TIAM2: variants seen among roughly 807,000 people sequenced by gnomAD.
The protein encoded by TIAM2 is rho guanine nucleotide exchange factor TIAM2.
In TIAM2, 80 loss-of-function variants were observed where a neutral mutation model predicts 152.9. That is an observed-to-expected ratio of 0.52 (90% CI 0.44 to 0.63). The LOEUF is 0.63. Among genes scored for constraint, TIAM2 ranks in the 30% least tolerant of loss-of-function variants. The pLI, the probability that TIAM2 is intolerant of heterozygous loss-of-function variation, is 0.00. For missense variants in TIAM2, 1,965 were observed against 2,120.1 expected, an observed-to-expected ratio of 0.93 and a Z score of 1.44; for synonymous variants, 804 against 838.0, an observed-to-expected ratio of 0.96 and a Z score of 0.70.
At chr6:155,094,459 G>A (rs35199713) in intron 2 of TIAM2, among the ~76,000 whole-genome samples, 2,380 of 151,702 alleles carry the variant, frequency 0.016, 39 homozygotes, top group Non-Finnish European at 0.027. Flanking sequence ...GATGTATGCC[G>A]AAGTATACTT....
At chr6:155,028,622 A>AATATATATACTGTTATATATATACTAC (rs1554225339) in intron 1 of TIAM2, among the ~76,000 whole-genome samples, 7 of 98,134 alleles carry the variant, frequency 7.1e-5, no homozygotes, top group Admixed American at 1.1e-4. Context: ...TACTACATAT[A>AATATATATACTGTTATATATATACTAC]ATATATATAC....
At chr6:155,063,166 C>G (rs948035408) in intron 1 of TIAM2, among the ~76,000 whole-genome samples, 2 of 151,928 alleles carry the variant, frequency 1.3e-5, no homozygotes, top group African/African-American at 4.8e-5. Context: ...AGTGGCAAGG[C>G]AACATGATTT....
chr6:155,064,358 A>G (rs991515525), intron 1 of TIAM2, among the ~76,000 whole-genome samples: 2 of 152,230 alleles, frequency 1.3e-5, no homozygotes, highest in Non-Finnish European at 2.9e-5. Flanking sequence ...AAATGACATC[A>G]CTCAAAGAAA....
chr6:155,191,477 T>C (rs958938044), intron 14 of TIAM2, among the ~76,000 whole-genome samples: 1 of 152,166 alleles, frequency 6.6e-6, no homozygotes, highest in African/African-American at 2.4e-5. Flanking sequence ...TTTCTCATCC[T>C]GGCCTGGAGA....
intron 9 of TIAM2, among the ~76,000 whole-genome samples, chr6:155,165,742 TTTGCCAC>T (rs1385857730): frequency 2.0e-5 from 3 of 152,056 alleles, no homozygotes. Flanking sequence ...GAGCCATGAT[TTTGCCAC>T]TGTACTCCAG....
chr6:155,153,393 G>A (rs59934822), intron 7 of TIAM2, among the ~76,000 whole-genome samples: 2 of 151,964 alleles, frequency 1.3e-5, no homozygotes, highest in East Asian at 3.9e-4. Context: ...GTTCATTTGA[G>A]GCCAGGAGCT....
At chr6:155,104,749 T>A (rs1778643391) in intron 2 of TIAM2, among the ~76,000 whole-genome samples, 1 of 125,196 alleles carries the variant, frequency 8.0e-6, no homozygotes, top group Admixed American at 8.4e-5. Flanking sequence ...AGAGAGAGAC[T>A]CTGTCTCAAA....
rs138241872 is a variant in TIAM2 at position 155,169,314 on chromosome 6, G to A, written c.2361+3905G>A. Among the ~76,000 whole-genome samples the A allele has an allele frequency of 4.3e-3, 659 of 152,274 alleles. 10 individuals are homozygous for A. Among genetic ancestry groups the A allele is most frequent in the African/African-American group, 0.015 (626 of 41,544 alleles). On this transcript the variant is annotated intron_variant, in intron 9 of 26. Transcript: ENST00000682666. ...CGGCCACAAATGCTAACTTAAGCGA[G>A]GAATGCTGGTTCAGAATCTTTACAT...
chr6:155,200,889 G>A (rs142608962), intron 14 of TIAM2, among the ~76,000 whole-genome samples: 13 of 152,132 alleles, frequency 8.5e-5, no homozygotes, highest in African/African-American at 2.4e-4. Context: ...GTGACAGAGC[G>A]AGACTCTGTC....
intron 6 of TIAM2, among the ~76,000 whole-genome samples, chr6:155,146,276 G>A (rs1779816599): frequency 6.6e-6 from 1 of 152,152 alleles, no homozygotes; most frequent in African/African-American, 2.4e-5. Context: ...AGCTACTTGG[G>A]AGGCTGAGGC....
At position 155,029,098 on chromosome 6, in the gene TIAM2, A is replaced by ATACTATGTGTTATATATACACTGTATG. The variant is rs1562294804; in HGVS notation, c.-209+33623_-209+33649dup. On this transcript the variant is annotated intron_variant, in intron 1 of 26. Transcript: ENST00000682666. Reference sequence around the variant, plus strand: ...ATATACTGTTATATATACACTGTATATACTATGTGTTATATATACACTGTA... The same window carrying ATACTATGTGTTATATATACACTGTATG: ...ATATACTGTTATATATACACTGTATATACTATGTGTTATATATACACTGTATGTACTATGTGTTATATATACACTGTA... 7.4e-4 allele frequency among the ~76,000 whole-genome samples: 85 copies of ATACTATGTGTTATATATACACTGTATG among 114,670 alleles called. 7 individuals carry two copies. Among genetic ancestry groups the ATACTATGTGTTATATATACACTGTATG allele is most frequent in the African/African-American group, 2.4e-3 (75 of 30,748 alleles). 75.2% of individuals were successfully genotyped at this position (114,670 alleles called of 152,430 possible). A position where few individuals can be genotyped will look rare whatever the true frequency, so the allele number is the denominator to read the frequency against.
At chr6:155,000,529 CAAAA>C (rs58867200) in intron 1 of TIAM2, among the ~76,000 whole-genome samples, 7 of 97,740 alleles carry the variant, frequency 7.2e-5, no homozygotes, top group East Asian at 3.6e-4. Context: ...GAAACTGTTG[CAAAA>C]AAAAAAAAAA....
intron 1 of TIAM2, among the ~76,000 whole-genome samples, chr6:155,088,914 C>A (rs941821693): frequency 6.6e-6 from 1 of 152,128 alleles, no homozygotes; most frequent in Non-Finnish European, 1.5e-5. Flanking sequence ...GATTGGACAT[C>A]CCTGCCCTAA....
At chr6:155,109,840 T>C (rs956053009) in intron 2 of TIAM2, among the ~76,000 whole-genome samples, 1 of 152,198 alleles carries the variant, frequency 6.6e-6, no homozygotes, top group Non-Finnish European at 1.5e-5. Context: ...CTCTACCTGT[T>C]CCTTAATTGA....
In TIAM2 at chr6:155,177,849, C is replaced by T. The variant is rs377409214; in HGVS notation, c.2523+872C>T. 6.6e-4 allele frequency among the ~76,000 whole-genome samples: 101 copies of T among 152,266 alleles called. No homozygotes were observed. The South Asian group carries it at 0.019, about 28-fold the overall frequency. Reference sequence around the variant, plus strand: ...TATACCAATGATATCCTCCATTAAACTGATAATTTTCTGAGTAATAAAGGG... The same window carrying T: ...TATACCAATGATATCCTCCATTAAATTGATAATTTTCTGAGTAATAAAGGG... On this transcript the variant is annotated intron_variant, in intron 10 of 26. Transcript: ENST00000682666.
In TIAM2 at chr6:155,248,021, A is replaced by G. The variant is rs538127420; in HGVS notation, c.3674A>G (p.Lys1225Arg). Reference protein sequence around the residue: ...LERAKTDKAFKAFLDARNPTK... With the variant: ...LERAKTDKAFRAFLDARNPTK... ...GTAGCTAAAACTGACAAAGCCTTCA[A>G]GGCTTTTCTGGACGCCCGGAACCCC... is the stretch of plus-strand genomic sequence containing the variant. The change falls in exon 20 of 27, where the codon AAG becomes AGG. Residue 1225 changes from lysine (K) to arginine (R), a missense_variant. Lys to Arg is a conservative substitution (Grantham distance 26, BLOSUM62 2). This residue lies in a region of TIAM2 where 935 missense variants were observed against 980.0 expected (regional missense o/e 0.95). Coordinates refer to ENST00000682666, the MANE Select transcript of TIAM2 (RefSeq NM_012454.4). 10 of 1,614,032 alleles carry G rather than the reference A, an allele frequency of 6.2e-6. No homozygotes were observed. The highest frequency in any genetic ancestry group is 8.5e-6 in the Non-Finnish European group (10 of 1,180,010).
chr6:155,249,852 A>C lies in TIAM2; in HGVS notation c.3834A>C (p.Glu1278Asp). 2 of 1,609,134 alleles carry C rather than the reference A, an allele frequency of 1.2e-6. No homozygotes were observed. The highest frequency in any genetic ancestry group is 1.7e-6 in the Non-Finnish European group (2 of 1,177,366). ...TAAATATGATTTCATATCTTGCAGA[A>C]GCACTAAAGGCAATGGAGAAAGTAG... ...QESEEHYHLT[E>D]ALKAMEKVAS... Residue 1278 changes from glutamate (E) to aspartate (D), a missense_variant and splice_region_variant, in exon 21 of 27, where the codon GAA becomes GAC. Coordinates refer to ENST00000682666, the MANE Select transcript of TIAM2 (RefSeq NM_012454.4).
At chr6:155,164,347 T>C in intron 7 of TIAM2, 68 bp from the exon 8 acceptor site, 1 of 1,433,982 alleles carries the variant, frequency 7.0e-7, no homozygotes, top group Non-Finnish European at 9.5e-7. Flanking sequence ...GTGAAAGGGA[T>C]CACATTTTCG....
intron 15 of TIAM2, among the ~76,000 whole-genome samples, chr6:155,240,046 C>A (rs780603871): frequency 6.6e-6 from 1 of 152,226 alleles, no homozygotes; most frequent in African/African-American, 2.4e-5. Context: ...GTGGCCAGGT[C>A]GTCCTGTAAT....
Sources: gnomAD v4.1 joint callset for allele counts (sites outside exome capture counted in the v4.1 genomes callset) on GRCh38, gnomAD v4.1.1 for gene constraint, gnomAD v4.1.1 regional missense constraint, MANE v1.5 for transcripts, NCBI Gene and HGNC (gene_info 2026-07-23, HGNC 2026-07-21) for gene names.